PCLO: variants seen among roughly 807,000 people sequenced by gnomAD.
The protein encoded by PCLO is piccolo presynaptic cytomatrix protein.
A neutral mutation model predicts 427.5 loss-of-function variants in PCLO; 82 were observed. The observed-to-expected ratio is 0.19, with a 90% CI of 0.16 to 0.23. The LOEUF (loss-of-function observed/expected upper bound fraction) is 0.23, where lower values mean the gene tolerates loss of function less well. PCLO is among the 10% of genes least tolerant of loss of function. PCLO has a pLI of 1.00. For missense variants in PCLO, 6,239 were observed against 6,115.9 expected (o/e 1.02, Z -0.67); for synonymous variants, 2,357 against 2,155.4 (o/e 1.09, Z -2.59).
In PCLO at chr7:83,065,974, A is replaced by C. The variant is rs568866371; in HGVS notation, c.3300+68276T>G. The stretch of plus-strand genomic sequence containing the variant: ...CTCTCATAGATGATCATCTTTCCTT[A>C]ATTGTATTCTGCCTGCTGTATTCAT... On this transcript the variant is annotated intron_variant, in intron 3 of 24. Transcript: ENST00000333891. 3.3e-5 allele frequency among the ~76,000 whole-genome samples: 5 copies of C among 152,168 alleles called. No individual in the cohort carries two copies. In the South Asian group the frequency reaches 1.0e-3, roughly 32 times the overall value.
At chr7:83,070,561 G>A (rs1789787784) in intron 3 of PCLO, among the ~76,000 whole-genome samples, 2 of 151,940 alleles carry the variant, frequency 1.3e-5, no homozygotes, top group African/African-American at 4.8e-5. Flanking sequence ...TAATTTTTTT[G>A]TATTTTTAGT....
intron 3 of PCLO, among the ~76,000 whole-genome samples, chr7:82,991,137 G>A (rs570231430): frequency 1.3e-5 from 2 of 152,206 alleles, no homozygotes; most frequent in South Asian, 4.1e-4. Flanking sequence ...GGGATAAAAT[G>A]TCAATTAGCT....
chr7:82,872,826 A>T (rs1463583136), intron 10 of PCLO, among the ~76,000 whole-genome samples: 1 of 152,190 alleles, frequency 6.6e-6, no homozygotes, highest in Non-Finnish European at 1.5e-5. Context: ...CTAGAGTTAC[A>T]TGTACGTTTT....
intron 9 of PCLO, among the ~76,000 whole-genome samples, chr7:82,881,807 AT>A (rs139239643): frequency 4.0e-5 from 6 of 151,050 alleles, no homozygotes; most frequent in Non-Finnish European, 8.9e-5. Flanking sequence ...TGCCCACCTA[AT>A]TTTTTTTTAT....
chr7:83,037,472 G>T (rs548988014), intron 3 of PCLO, among the ~76,000 whole-genome samples: 48 of 152,010 alleles, frequency 3.2e-4, no homozygotes, highest in African/African-American at 1.1e-3. Flanking sequence ...GCAAGTTAGA[G>T]AATCTGTTTG....
rs745870188 is a variant in PCLO, at chr7:82,915,744, C to T, written c.12242G>A (p.Arg4081Gln). 7.9e-5 allele frequency: 127 copies of T among 1,611,784 alleles called. 3 individuals carry two copies. In the South Asian group the frequency reaches 1.3e-3, roughly 16 times the overall value. The change falls in exon 7 of 25, where the codon CGA becomes CAA. Residue 4081 changes from arginine (R) to glutamine (Q), a missense_variant. Physicochemically the swap from Arg to Gln is conservative, Grantham distance 43. Transcript: ENST00000333891. Reference sequence around the variant, plus strand: ...TTGAGACCGGCGTGTCTCAGTGGTTCGAAGGAGACGGTCTGTTTTTGACAG... The same window carrying T: ...TTGAGACCGGCGTGTCTCAGTGGTTTGAAGGAGACGGTCTGTTTTTGACAG... The part of the protein sequence containing the change: ...KDLSKTDRLL[R>Q]TTETRRSQEV...
intron 3 of PCLO, among the ~76,000 whole-genome samples, chr7:82,977,383 TA>T (rs1447110491): frequency 2.5e-4 from 15 of 60,406 alleles, no homozygotes; most frequent in South Asian, 6.2e-4. Flanking sequence ...TCATCTTTTT[TA>T]TTTATTTATT....
intron 22 of PCLO, among the ~76,000 whole-genome samples, chr7:82,793,243 A>G: frequency 6.6e-6 from 1 of 152,128 alleles, no homozygotes; most frequent in East Asian, 1.9e-4. Context: ...GACAAGGAAG[A>G]GTCACATTCT....
At chr7:82,880,338 A>G (rs938648418) in intron 9 of PCLO, 4 of 356,308 alleles carry the variant, frequency 1.1e-5, no homozygotes, top group South Asian at 2.2e-5. Flanking sequence ...TGGTTTTAAG[A>G]CCATTATTTT....
chr7:82,794,455 T>TTTCTG (rs1562789352), intron 22 of PCLO, among the ~76,000 whole-genome samples: 14 of 92,848 alleles, frequency 1.5e-4, no homozygotes, highest in African/African-American at 6.5e-4. Flanking sequence ...CATAAATTTT[T>TTTCTG]TTTCTTTTTT....
At chr7:83,015,149 G>C (rs1788174779) in intron 3 of PCLO, among the ~76,000 whole-genome samples, 1 of 151,962 alleles carries the variant, frequency 6.6e-6, no homozygotes, top group Admixed American at 6.6e-5. Context: ...CAAAGTCCTT[G>C]ATCATTTAAA....
intron 3 of PCLO, among the ~76,000 whole-genome samples, chr7:83,087,736 A>T (rs2116424674): frequency 6.6e-6 from 1 of 152,224 alleles, no homozygotes. Context: ...TCTAATAAAC[A>T]TGTGACAAAT....
intron 3 of PCLO, among the ~76,000 whole-genome samples, chr7:83,008,375 G>C (rs534316497): frequency 1.4e-4 from 21 of 151,826 alleles, no homozygotes; most frequent in Non-Finnish European, 2.8e-4. Flanking sequence ...GCTATAACTT[G>C]TGGGAGTAGG....
Position 82,966,013 on chromosome 7 carries a change from C to T in PCLO, c.3775G>A (p.Glu1259Lys). Residue 1259 changes from glutamate to lysine, a missense_variant, in exon 4 of 25, where the codon GAA becomes AAA. Around this residue, in one of 5 missense-constraint regions of PCLO, gnomAD observed 4,677 missense variants for 4,468.4 expected, o/e 1.05. Transcript: ENST00000333891. Reference sequence around the variant, plus strand: ...GATTTAAGTAAGTCATGTTTCTGTTCTTCTGGGGCTGATGTTTTTGCCTCT... The same window carrying T: ...GATTTAAGTAAGTCATGTTTCTGTTTTTCTGGGGCTGATGTTTTTGCCTCT... ...LPEAKTSAPEEQKHDLLKSQV... is the reference protein window; with the variant it reads ...LPEAKTSAPEKQKHDLLKSQV... 6.2e-7 allele frequency: 1 copy of T among 1,613,570 alleles called. No individual in the cohort carries two copies. The highest frequency in any genetic ancestry group is 8.5e-7 in the Non-Finnish European group (1 of 1,179,816).
intron 9 of PCLO, among the ~76,000 whole-genome samples, chr7:82,893,248 A>G (rs1167457719): frequency 1.3e-5 from 2 of 152,170 alleles, no homozygotes; most frequent in Non-Finnish European, 2.9e-5. Context: ...CAGCCATAAA[A>G]AATGATGAGT....
At chr7:83,042,365 C>A (rs1361657310) in intron 3 of PCLO, among the ~76,000 whole-genome samples, 9 of 152,110 alleles carry the variant, frequency 5.9e-5, no homozygotes, top group Admixed American at 5.9e-4. Flanking sequence ...AAGCTATAAC[C>A]TAAAAATGAC....
chr7:82,871,951 T>C (rs1793248752), intron 10 of PCLO, among the ~76,000 whole-genome samples: 1 of 151,924 alleles, frequency 6.6e-6, no homozygotes, highest in African/African-American at 2.4e-5. Context: ...GGACCACAGA[T>C]ACATTAAAAA....
At chr7:82,875,299 A>C (rs1793342660) in intron 10 of PCLO, among the ~76,000 whole-genome samples, 1 of 152,094 alleles carries the variant, frequency 6.6e-6, no homozygotes, top group African/African-American at 2.4e-5. Flanking sequence ...TGGCACACAT[A>C]CCATTAGGAG....
At chr7:82,932,663 C>G (rs1486618968) in intron 6 of PCLO, among the ~76,000 whole-genome samples, 1 of 152,060 alleles carries the variant, frequency 6.6e-6, no homozygotes, top group African/African-American at 2.4e-5. Context: ...GATCATCATC[C>G]TCACAGATGT....
Sources: gnomAD v4.1 joint callset for allele counts (sites outside exome capture counted in the v4.1 genomes callset) on GRCh38, gnomAD v4.1.1 for gene constraint, gnomAD v4.1.1 regional missense constraint, MANE v1.5 for transcripts, NCBI Gene and HGNC (gene_info 2026-07-23, HGNC 2026-07-21) for gene names.